The following CADPS2 variants were observed in gnomAD, a reference collection of about 807,000 sequenced individuals.
CADPS2 encodes calcium-dependent secretion activator 2.
A neutral mutation model predicts 172.5 loss-of-function variants in CADPS2; 93 were observed. The ratio of observed to expected loss-of-function variants is 0.54; its 90% CI spans 0.46 to 0.64. The LOEUF (loss-of-function observed/expected upper bound fraction) is 0.64, where lower values mean the gene tolerates loss of function less well. CADPS2 is among the 30% of genes least tolerant of loss of function. The pLI, the probability that CADPS2 is intolerant of heterozygous loss-of-function variation, is 0.00. For synonymous variants in CADPS2, 546 were observed against 555.2 expected (o/e 0.98, Z 0.23); for missense variants, 1,420 against 1,565.9 (o/e 0.91, Z 1.57).
intron 1 of CADPS2, among the ~76,000 whole-genome samples, chr7:122,832,888 AAGAC>A (rs1807030632): frequency 6.6e-6 from 1 of 152,206 alleles, no homozygotes; most frequent in Non-Finnish European, 1.5e-5. Flanking sequence ...TTTTTTAAAA[AAGAC>A]AGCTTAATTA....
intron 11 of CADPS2, among the ~76,000 whole-genome samples, chr7:122,486,849 C>G (rs561982552): frequency 2.0e-5 from 3 of 152,054 alleles, no homozygotes; most frequent in Admixed American, 2.0e-4. Flanking sequence ...GCAACCTGAT[C>G]GGTCAGCAGC....
chr7:122,318,916 T>C lies in CADPS2; in HGVS notation c.*1249A>G, dbSNP rs1243500533. 6.6e-6 allele frequency: 1 copy of C among 152,230 alleles called. No individual in the cohort carries two copies. The highest frequency in any genetic ancestry group is 2.4e-5 in the African/African-American group (1 of 41,460). The allele number at this position is 152,230 out of a possible 1,614,324, so 9.4% of individuals were successfully genotyped here. On this transcript the variant is annotated 3_prime_UTR_variant, in exon 30 of 30. Coordinates refer to ENST00000449022, the MANE Select transcript of CADPS2 (RefSeq NM_017954.11). ...ACTTATTCTGCATTAACTGCCTTCA[T>C]TTAAAAATTACTTATTAATAAATGC...
chr7:122,689,796 T>C (rs930441496), intron 2 of CADPS2, among the ~76,000 whole-genome samples: 2 of 152,120 alleles, frequency 1.3e-5, no homozygotes, highest in Non-Finnish European at 1.5e-5. Flanking sequence ...CAGGCAACCA[T>C]CCCACAGTGA....
chr7:122,721,637 C>T (rs182702182), intron 2 of CADPS2, among the ~76,000 whole-genome samples: 1,645 of 151,988 alleles, frequency 0.011, 25 homozygotes, highest in African/African-American at 0.036. Context: ...CCATTCCTTC[C>T]GAAACTATTC....
At chr7:122,719,918 T>C (rs1244549436) in intron 2 of CADPS2, among the ~76,000 whole-genome samples, 21 of 152,158 alleles carry the variant, frequency 1.4e-4, no homozygotes, top group South Asian at 2.1e-4. Context: ...TGTTGTAACA[T>C]AGAAAATACA....
At position 122,318,780 on chromosome 7, in the gene CADPS2, T is replaced by C. The variant is rs529576972; in HGVS notation, c.*1385A>G. 6.6e-6 allele frequency: 1 copy of C among 152,338 alleles called. No individual in the cohort carries two copies. Among genetic ancestry groups the C allele is most frequent in the South Asian group, 2.1e-4 (1 of 4,826 alleles). The allele number at this position is 152,338 out of a possible 1,614,324, so 9.4% of individuals were successfully genotyped here. On this transcript the variant is annotated 3_prime_UTR_variant, in exon 30 of 30. Transcript: ENST00000449022. Reference sequence around the variant, plus strand: ...ATTAAATAGATTTTTAAGGCTAGTCTAGGTACCTAACGACCACTTATTACA... The same window carrying C: ...ATTAAATAGATTTTTAAGGCTAGTCCAGGTACCTAACGACCACTTATTACA...
At chr7:122,564,752 T>C (rs1042725238) in intron 7 of CADPS2, among the ~76,000 whole-genome samples, 4 of 151,974 alleles carry the variant, frequency 2.6e-5, no homozygotes, top group Non-Finnish European at 5.9e-5. Flanking sequence ...AACAAAGTCA[T>C]AGAATCAACC....
intron 8 of CADPS2, among the ~76,000 whole-genome samples, chr7:122,542,805 T>G (rs1305569156): frequency 1.3e-5 from 2 of 152,104 alleles, no homozygotes; most frequent in Non-Finnish European, 2.9e-5. Flanking sequence ...TTTTACAGTT[T>G]TTCACATTTC....
chr7:122,583,466 T>C (rs934633902), intron 6 of CADPS2, among the ~76,000 whole-genome samples: 5 of 151,900 alleles, frequency 3.3e-5, no homozygotes, highest in Admixed American at 6.6e-5. Context: ...TTAAAAGGAA[T>C]ATTTTCAGCA....
intron 9 of CADPS2, among the ~76,000 whole-genome samples, chr7:122,503,542 T>A (rs1302999091): frequency 5.3e-5 from 8 of 152,212 alleles, no homozygotes; most frequent in Non-Finnish European, 8.8e-5. Context: ...AATACTAATA[T>A]GATTGCTCTT....
At chr7:122,359,572 T>C (rs1221849500) in intron 27 of CADPS2, among the ~76,000 whole-genome samples, 1 of 152,162 alleles carries the variant, frequency 6.6e-6, no homozygotes, top group Non-Finnish European at 1.5e-5. Flanking sequence ...AAACTATGTG[T>C]GTTACAAAGT....
At chr7:122,573,778 T>C (rs911285421) in intron 7 of CADPS2, among the ~76,000 whole-genome samples, 2 of 152,124 alleles carry the variant, frequency 1.3e-5, no homozygotes, top group Non-Finnish European at 1.5e-5. Context: ...GATTCAAACA[T>C]TTTATAAAAT....
At chr7:122,385,242 A>G (rs1438048130) in intron 24 of CADPS2, among the ~76,000 whole-genome samples, 1 of 152,142 alleles carries the variant, frequency 6.6e-6, no homozygotes, top group Non-Finnish European at 1.5e-5. Flanking sequence ...TCTATAACAC[A>G]TATCAGTTAC....
chr7:122,407,855 G>A (rs1273189159), intron 19 of CADPS2, 159 bp from the exon 20 acceptor site: 10 of 630,606 alleles, frequency 1.6e-5, no homozygotes, highest in South Asian at 6.3e-5. Flanking sequence ...AAATTTTATA[G>A]GTACACATTA....
intron 3 of CADPS2, among the ~76,000 whole-genome samples, chr7:122,662,859 T>C (rs1410063254): frequency 6.6e-6 from 1 of 152,212 alleles, no homozygotes; most frequent in African/African-American, 2.4e-5. Flanking sequence ...ATCATATCTT[T>C]ATAAAATATT....
chr7:122,503,551 T>A (rs2059386740), intron 9 of CADPS2, among the ~76,000 whole-genome samples: 1 of 152,186 alleles, frequency 6.6e-6, no homozygotes, highest in Non-Finnish European at 1.5e-5. Context: ...ATGATTGCTC[T>A]TTCCTATGTT....
At chr7:122,557,334 A>C (rs1162866995) in intron 7 of CADPS2, among the ~76,000 whole-genome samples, 1 of 152,182 alleles carries the variant, frequency 6.6e-6, no homozygotes, top group African/African-American at 2.4e-5. Flanking sequence ...TTTTCAGAAC[A>C]CACAATACAG....
rs887004131 is a variant in CADPS2 at position 122,318,492 on chromosome 7, G to A, written c.*1673C>T. The A allele has an allele frequency of 6.6e-6, 1 of 152,290 alleles. No homozygotes were observed. The highest frequency in any genetic ancestry group is 1.5e-5 in the Non-Finnish European group (1 of 68,090). The allele number at this position is 152,290 out of a possible 1,614,324, so 9.4% of individuals were successfully genotyped here. A position where few individuals can be genotyped will look rare whatever the true frequency, so the allele number is the denominator to read the frequency against. ...GGGTAATTACTAAGTACAGAGCAAT[G>A]TGTCGTGGAACAGCAAGCTTGGGGA... On this transcript the variant is annotated 3_prime_UTR_variant, in exon 30 of 30. Coordinates refer to ENST00000449022, the MANE Select transcript of CADPS2 (RefSeq NM_017954.11).
At chr7:122,744,857 T>C (rs775750876) in intron 1 of CADPS2, among the ~76,000 whole-genome samples, 3 of 152,162 alleles carry the variant, frequency 2.0e-5, no homozygotes, top group Admixed American at 6.5e-5. Flanking sequence ...TGGCATTGTC[T>C]GGCGTGGGCA....
Sources: allele counts gnomAD v4.1 joint callset (sites outside exome capture counted in the v4.1 genomes callset), GRCh38; gene constraint gnomAD v4.1.1; transcripts MANE v1.5; gene names NCBI Gene and HGNC (gene_info 2026-07-23, HGNC 2026-07-21).